The following GRID2 variants were observed in gnomAD, a reference collection of about 807,000 sequenced individuals.
GRID2 encodes glutamate ionotropic receptor delta type subunit 2, also known as glutamate receptor ionotropic, delta-2.
A neutral mutation model predicts 114.8 loss-of-function variants in GRID2; 33 were observed. The ratio of observed to expected loss-of-function variants is 0.29; its 90% CI spans 0.22 to 0.38. The LOEUF (loss-of-function observed/expected upper bound fraction) is 0.38. Among genes scored for constraint, GRID2 ranks in the 10% least tolerant of loss-of-function variants. The pLI, the probability that GRID2 is intolerant of heterozygous loss-of-function variation, is 1.00. For synonymous variants in GRID2, 505 were observed against 449.9 expected (o/e 1.12, Z -1.55); for missense variants, 1,184 against 1,257.7 (o/e 0.94, Z 0.89).
At chr4:92,848,274 A>G (rs1481135352) in intron 2 of GRID2, among the ~76,000 whole-genome samples, 1 of 150,560 alleles carries the variant, frequency 6.6e-6, no homozygotes, top group Non-Finnish European at 1.5e-5. Flanking sequence ...GCACTCAACT[A>G]GTTTTAGGCT....
At chr4:93,710,961 G>C (rs1027934703) in intron 14 of GRID2, among the ~76,000 whole-genome samples, 3 of 151,914 alleles carry the variant, frequency 2.0e-5, no homozygotes, top group African/African-American at 7.3e-5. Flanking sequence ...TGCCAGGACT[G>C]AATCTCCCCC....
intron 1 of GRID2, among the ~76,000 whole-genome samples, chr4:93,794,420 G>C (rs1440535179): frequency 6.6e-6 from 1 of 152,124 alleles, no homozygotes; most frequent in Non-Finnish European, 1.5e-5. Context: ...TTTGCATAGG[G>C]ACAACTTTGG....
At chr4:93,456,005 A>T in intron 11 of GRID2, 31 bp downstream of exon 11, 1 of 1,248,460 alleles carries the variant, frequency 8.0e-7, no homozygotes. Context: ...CTAGTATTTA[A>T]AAAAAATAGA....
At position 93,681,759 on chromosome 4, in the gene GRID2, C is replaced by T. The variant is rs189750672; in HGVS notation, c.2360+55324C>T. ...AAGCTGAAACTGGATCCCTTCCTTACGTCTTATACAAAAATTAATTCAAGT... is the reference window on the plus strand; with the variant it reads ...AAGCTGAAACTGGATCCCTTCCTTATGTCTTATACAAAAATTAATTCAAGT... On this transcript the variant is annotated intron_variant, in intron 14 of 15. Transcript: ENST00000282020. Among the ~76,000 whole-genome samples, 10 of 152,278 alleles carry T rather than the reference C, an allele frequency of 6.6e-5. No individual in the cohort carries two copies. In the East Asian group the frequency reaches 9.7e-4, roughly 15 times the overall value.
chr4:92,330,545 GA>G (rs1726829147), intron 1 of GRID2, among the ~76,000 whole-genome samples: 1 of 152,036 alleles, frequency 6.6e-6, no homozygotes, highest in South Asian at 2.1e-4. Flanking sequence ...CTCCCCTCAA[GA>G]AAGAAGAATG....
chr4:93,015,100 G>A (rs768668302), intron 2 of GRID2, among the ~76,000 whole-genome samples: 11 of 152,052 alleles, frequency 7.2e-5, no homozygotes, highest in Non-Finnish European at 5.9e-5. Context: ...TGAGGTAAAC[G>A]AATCTCCCTA....
At chr4:93,428,647 G>T (rs765898540) in intron 10 of GRID2, among the ~76,000 whole-genome samples, 5 of 151,940 alleles carry the variant, frequency 3.3e-5, no homozygotes, top group Non-Finnish European at 5.9e-5. Flanking sequence ...GTGAGGGTGG[G>T]GCGGAATATA....
downstream of GRID2, among the ~76,000 whole-genome samples, chr4:93,776,056 T>C (rs1578789082): frequency 2.6e-5 from 4 of 152,356 alleles, no homozygotes; most frequent in South Asian, 6.2e-4. Context: ...AAACACATTC[T>C]AGATTATAAG....
chr4:93,073,888 T>TTC (rs1412641882), intron 2 of GRID2, among the ~76,000 whole-genome samples: 2 of 152,160 alleles, frequency 1.3e-5, no homozygotes, highest in African/African-American at 4.8e-5. Flanking sequence ...AGGCCCAAGT[T>TTC]GCACATGACC....
intron 1 of GRID2, among the ~76,000 whole-genome samples, chr4:92,569,170 T>G (rs1376729714): frequency 6.6e-6 from 1 of 152,030 alleles, no homozygotes; most frequent in Non-Finnish European, 1.5e-5. Flanking sequence ...ACCTGACATG[T>G]GTCCATGTGT....
At chr4:93,377,459 G>A (rs919428548) in intron 8 of GRID2, among the ~76,000 whole-genome samples, 4 of 152,046 alleles carry the variant, frequency 2.6e-5, no homozygotes, top group Admixed American at 2.0e-4. Context: ...TCTGGTTGAA[G>A]GACAGGGTTT....
chr4:93,285,969 A>G (rs1753113378), intron 8 of GRID2, among the ~76,000 whole-genome samples: 1 of 152,060 alleles, frequency 6.6e-6, no homozygotes, highest in Non-Finnish European at 1.5e-5. Flanking sequence ...AGATTTTAAT[A>G]CGCTGTAAGT....
intron 4 of GRID2, among the ~76,000 whole-genome samples, chr4:93,159,693 A>ATTTTTTTTT (rs34480915): frequency 2.3e-5 from 3 of 131,092 alleles, no homozygotes; most frequent in Admixed American, 7.9e-5. Context: ...TTCCATCTGC[A>ATTTTTTTTT]TTTTTTTTTT....
At chr4:92,693,137 C>T (rs1473876982) in intron 2 of GRID2, among the ~76,000 whole-genome samples, 1 of 151,592 alleles carries the variant, frequency 6.6e-6, no homozygotes, top group African/African-American at 2.4e-5. Flanking sequence ...AAATTTAAAT[C>T]TTTCCCCCTT....
At chr4:92,764,154 A>G (rs1738151021) in intron 2 of GRID2, among the ~76,000 whole-genome samples, 1 of 152,124 alleles carries the variant, frequency 6.6e-6, no homozygotes, top group Admixed American at 6.5e-5. Flanking sequence ...TCTGGAATGT[A>G]TGACCGTTCA....
chr4:92,981,132 C>T (rs2149187405), intron 2 of GRID2, among the ~76,000 whole-genome samples: 1 of 152,094 alleles, frequency 6.6e-6, no homozygotes, highest in East Asian at 1.9e-4. Context: ...ATTTCTGTAT[C>T]TTTGGTGTCA....
chr4:93,038,135 G>C lies in GRID2; in HGVS notation c.245-46860G>C, dbSNP rs561529784. Among the ~76,000 whole-genome samples the C allele has an allele frequency of 3.2e-4, 49 of 152,110 alleles. 1 individual carries two copies. The highest frequency in any genetic ancestry group is 1.1e-3 in the African/African-American group (47 of 41,514). ...TGTTTGTTTCCTCTCTTACTTCCTT[G>C]AGCAGTGGTTTGTAGTTCTCCTTGA... is the stretch of plus-strand genomic sequence containing the variant. On this transcript the variant is annotated intron_variant, in intron 2 of 15. Coordinates refer to ENST00000282020, the MANE Select transcript of GRID2 (RefSeq NM_001510.4).
intron 13 of GRID2, among the ~76,000 whole-genome samples, chr4:93,577,082 T>A (rs1404201140): frequency 1.3e-5 from 2 of 152,200 alleles, no homozygotes; most frequent in African/African-American, 4.8e-5. Flanking sequence ...TGTGTGTTTT[T>A]TTACCCATTT....
intron 1 of GRID2, among the ~76,000 whole-genome samples, chr4:92,453,769 T>G (rs1209902351): frequency 6.6e-6 from 1 of 152,160 alleles, no homozygotes; most frequent in East Asian, 1.9e-4. Context: ...CTCTCAAATA[T>G]TGATTGATTT....
Sources: allele counts gnomAD v4.1 joint callset (sites outside exome capture counted in the v4.1 genomes callset), GRCh38; gene constraint gnomAD v4.1.1; transcripts MANE v1.5; gene names NCBI Gene and HGNC (gene_info 2026-07-23, HGNC 2026-07-21).